AKAP6: variants seen among roughly 807,000 people sequenced by gnomAD.
AKAP6 encodes A-kinase anchor protein 6.
A neutral mutation model predicts 188.5 loss-of-function variants in AKAP6; 58 were observed. The ratio of observed to expected loss-of-function variants is 0.31; its 90% CI spans 0.25 to 0.38. AKAP6 has a LOEUF of 0.38. AKAP6 is among the 10% of genes least tolerant of loss of function. AKAP6 has a pLI of 1.00. For missense variants in AKAP6, 2,710 were observed against 2,740.0 expected (o/e 0.99, Z 0.24); for synonymous variants, 989 against 998.6 (o/e 0.99, Z 0.18).
intron 7 of AKAP6, among the ~76,000 whole-genome samples, chr14:32,658,346 T>A (rs1322334745): frequency 6.6e-6 from 1 of 152,150 alleles, no homozygotes; most frequent in Non-Finnish European, 1.5e-5. Flanking sequence ...ATTTTAATGA[T>A]GTTTTCACTC....
intron 2 of AKAP6, among the ~76,000 whole-genome samples, chr14:32,528,967 C>G (rs144817317): frequency 6.6e-6 from 1 of 152,108 alleles, no homozygotes; most frequent in Non-Finnish European, 1.5e-5. Context: ...TGTGAGCCAC[C>G]GTGCCGAGCC....
intron 1 of AKAP6, among the ~76,000 whole-genome samples, chr14:32,350,129 G>A (rs993265383): frequency 6.6e-6 from 1 of 152,168 alleles, no homozygotes; most frequent in Non-Finnish European, 1.5e-5. Flanking sequence ...CCACTCCTGA[G>A]GGTGGGCTAG....
At chr14:32,807,604 A>G (rs1955476) in intron 12 of AKAP6, among the ~76,000 whole-genome samples, 59,685 of 152,018 alleles carry the variant, frequency 0.39, 11,913 homozygotes, top group Non-Finnish European at 0.42. Flanking sequence ...ACTCTGTGAG[A>G]ATATTAAATT....
intron 2 of AKAP6, among the ~76,000 whole-genome samples, chr14:32,468,890 A>G (rs1878610235): frequency 6.6e-6 from 1 of 152,090 alleles, no homozygotes; most frequent in Admixed American, 6.6e-5. Context: ...CTGATTTTAG[A>G]GCATCTGTTT....
At chr14:32,648,264 A>G (rs1259352699) in intron 7 of AKAP6, among the ~76,000 whole-genome samples, 1 of 152,122 alleles carries the variant, frequency 6.6e-6, no homozygotes, top group Non-Finnish European at 1.5e-5. Context: ...CAATAAAAAT[A>G]TCTCATTCTT....
intron 2 of AKAP6, among the ~76,000 whole-genome samples, chr14:32,496,634 A>G (rs1856141810): frequency 1.3e-5 from 2 of 152,254 alleles, no homozygotes; most frequent in South Asian, 4.1e-4. Context: ...TGTCACTAAT[A>G]TACTTGAAAA....
At chr14:32,725,290 A>C (rs1381666948) in intron 9 of AKAP6, among the ~76,000 whole-genome samples, 2 of 152,204 alleles carry the variant, frequency 1.3e-5, no homozygotes, top group African/African-American at 4.8e-5. Flanking sequence ...AGGTCATGTC[A>C]AGGTTAGTTT....
chr14:32,368,358 T>C (rs997648160), intron 1 of AKAP6, among the ~76,000 whole-genome samples: 13 of 152,188 alleles, frequency 8.5e-5, no homozygotes, highest in Admixed American at 6.5e-4. Context: ...GCTGGAAGTA[T>C]GTATAAGTGT....
intron 2 of AKAP6, among the ~76,000 whole-genome samples, chr14:32,525,374 A>G (rs1449747620): frequency 6.6e-6 from 1 of 152,264 alleles, no homozygotes; most frequent in Non-Finnish European, 1.5e-5. Flanking sequence ...TTTTCAAAGC[A>G]TGGAAAGCAA....
intron 4 of AKAP6, among the ~76,000 whole-genome samples, chr14:32,549,719 T>G (rs1278048817): frequency 3.3e-5 from 5 of 152,192 alleles, no homozygotes; most frequent in Admixed American, 6.5e-5. Context: ...AAGGGAGGAT[T>G]TTTTCAGATG....
At chr14:32,479,430 T>G in intron 2 of AKAP6, among the ~76,000 whole-genome samples, 1 of 152,184 alleles carries the variant, frequency 6.6e-6, no homozygotes, top group Non-Finnish European at 1.5e-5. Context: ...ATTTACTTTT[T>G]CTAATTATTT....
chr14:32,624,787 T>C (rs1281019905), intron 7 of AKAP6, among the ~76,000 whole-genome samples: 3 of 152,168 alleles, frequency 2.0e-5, no homozygotes, highest in Admixed American at 1.3e-4. Context: ...GCTCAGTTAT[T>C]ACCAATTGCT....
In AKAP6 at chr14:32,703,342, A is replaced by G. The variant is rs769506920; in HGVS notation, c.3000+7232A>G. ...TGGAGCACGTAAAACGCTTACTTAG[A>G]TGATATGAATAGGACACTGGCAAAC... On this transcript the variant is annotated intron_variant, in intron 9 of 13. Transcript: ENST00000280979. Among the ~76,000 whole-genome samples, 24 of 152,150 alleles carry G rather than the reference A, an allele frequency of 1.6e-4. 1 individual carries two copies. Among genetic ancestry groups the G allele is most frequent in the Non-Finnish European group, 2.9e-5 (2 of 68,028 alleles).
At position 32,778,224 on chromosome 14, in the gene AKAP6, A is replaced by G. The variant is rs534466570; in HGVS notation, c.3588+4331A>G. 1.1e-4 allele frequency among the ~76,000 whole-genome samples: 17 copies of G among 152,340 alleles called. No homozygotes were observed. In the South Asian group the frequency reaches 3.5e-3, roughly 32 times the overall value. ...TCAACCAAATGGAAAATTATATCAG[A>G]TGGAAACCTGGATAAGCACAAGGGA... On this transcript the variant is annotated intron_variant, in intron 12 of 13. Coordinates refer to ENST00000280979, the MANE Select transcript of AKAP6 (RefSeq NM_004274.5).
intron 12 of AKAP6, among the ~76,000 whole-genome samples, chr14:32,814,237 A>G (rs1011901524): frequency 6.6e-6 from 1 of 152,214 alleles, no homozygotes; most frequent in African/African-American, 2.4e-5. Flanking sequence ...TAATTCACAT[A>G]AAGTTAATCA....
intron 7 of AKAP6, among the ~76,000 whole-genome samples, chr14:32,642,887 G>A (rs770856284): frequency 6.6e-6 from 1 of 152,060 alleles, no homozygotes; most frequent in Non-Finnish European, 1.5e-5. Flanking sequence ...CACAGTTAAA[G>A]TATATCAGTA....
rs1275181862 is a variant in AKAP6 at position 32,462,100 on chromosome 14, T to C, written c.324+28283T>C. ...CTATGTGAAAAGACCAAACCTATGA[T>C]TGATTGGTGTACCTGAAAGTGGCAG... On this transcript the variant is annotated intron_variant, in intron 2 of 13. Transcript: ENST00000280979. Among the ~76,000 whole-genome samples the C allele has an allele frequency of 1.3e-4, 20 of 152,178 alleles. No homozygotes were observed. In the East Asian group the frequency reaches 1.7e-3, roughly 13 times the overall value.
Position 32,371,688 on chromosome 14 carries a change from G to C in AKAP6, c.-35+42280G>C, listed in dbSNP as rs551595317. ...TGGGGAGTTGAAATAGGTGAGAAAAGCTTCATGAAAAGGTGGGATTAACTG... is the reference window on the plus strand; with the variant it reads ...TGGGGAGTTGAAATAGGTGAGAAAACCTTCATGAAAAGGTGGGATTAACTG... On this transcript the variant is annotated intron_variant, in intron 1 of 13. Transcript: ENST00000280979. 3.9e-5 allele frequency among the ~76,000 whole-genome samples: 6 copies of C among 152,292 alleles called. No individual in the cohort carries two copies. The East Asian group carries it at 7.7e-4, about 20-fold the overall frequency.
At chr14:32,469,121 G>T (rs559341672) in intron 2 of AKAP6, among the ~76,000 whole-genome samples, 1 of 152,220 alleles carries the variant, frequency 6.6e-6, no homozygotes, top group South Asian at 2.1e-4. Context: ...CAACTCTGGG[G>T]AAGTGTTTTC....
Sources: allele counts gnomAD v4.1 joint callset (sites outside exome capture counted in the v4.1 genomes callset), GRCh38; gene constraint gnomAD v4.1.1; transcripts MANE v1.5; gene names NCBI Gene and HGNC (gene_info 2026-07-23, HGNC 2026-07-21).